STXBP6: variants seen among roughly 807,000 people sequenced by gnomAD.
STXBP6 encodes syntaxin-binding protein 6.
Under a neutral mutation model 26.9 loss-of-function variants are expected in STXBP6, and 21 were observed. The ratio of observed to expected loss-of-function variants is 0.78; its 90% CI spans 0.55 to 1.12. The LOEUF is 1.12. Among genes scored for constraint, STXBP6 ranks in the 50% most tolerant of loss-of-function variants. The pLI is 0.00. For synonymous variants in STXBP6, 97 were observed against 92.6 expected (o/e 1.05, Z -0.27); for missense variants, 232 against 257.9 (o/e 0.90, Z 0.69).
rs1389021112 is a variant in STXBP6 at position 24,811,045 on chromosome 14, T to C, written c.*1664A>G. 6.6e-6 allele frequency: 1 copy of C among 152,132 alleles called. No individual in the cohort carries two copies. The highest frequency in any genetic ancestry group is 1.5e-5 in the Non-Finnish European group (1 of 68,018). The allele number at this position is 152,132 out of a possible 1,614,324, so 9.4% of individuals were successfully genotyped here. ...TTTTTAAGACACCAAAAAGAAAGTATAAAATATTATAGTTAACTTATACAG... is the reference window on the plus strand; with the variant it reads ...TTTTTAAGACACCAAAAAGAAAGTACAAAATATTATAGTTAACTTATACAG... On this transcript the variant is annotated 3_prime_UTR_variant, in exon 6 of 6. Transcript: ENST00000323944.
At chr14:24,888,305 C>A (rs932245094) in intron 2 of STXBP6, among the ~76,000 whole-genome samples, 1 of 152,176 alleles carries the variant, frequency 6.6e-6, no homozygotes, top group Non-Finnish European at 1.5e-5. Flanking sequence ...AAAGCTAAAA[C>A]CTAAGCTGGC....
intron 2 of STXBP6, among the ~76,000 whole-genome samples, chr14:24,898,341 A>G (rs1202193719): frequency 1.3e-5 from 2 of 152,220 alleles, no homozygotes; most frequent in Non-Finnish European, 2.9e-5. Context: ...ACTGAACCTT[A>G]CTGAACCTCA....
At chr14:24,841,334 T>C (rs951066720) in intron 4 of STXBP6, among the ~76,000 whole-genome samples, 2 of 152,228 alleles carry the variant, frequency 1.3e-5, no homozygotes, top group African/African-American at 2.4e-5. Flanking sequence ...CCTTCCACAG[T>C]AGGAAAACTG....
At chr14:24,902,345 G>C (rs547471371) in intron 2 of STXBP6, among the ~76,000 whole-genome samples, 1 of 152,266 alleles carries the variant, frequency 6.6e-6, no homozygotes, top group African/African-American at 2.4e-5. Context: ...GGAATGATAA[G>C]ATACAGCAAA....
intron 2 of STXBP6, among the ~76,000 whole-genome samples, chr14:24,924,648 A>G (rs1190680822): frequency 6.6e-6 from 1 of 152,114 alleles, no homozygotes; most frequent in Non-Finnish European, 1.5e-5. Context: ...CCTGTCTAAG[A>G]ATTCAATAAG....
chr14:24,822,530 C>T (rs1337776678), intron 4 of STXBP6, among the ~76,000 whole-genome samples: 1 of 152,160 alleles, frequency 6.6e-6, no homozygotes, highest in African/African-American at 2.4e-5. Context: ...ATTATGTTGA[C>T]ACAACTGGCA....
At chr14:24,897,121 T>C (rs1266569050) in intron 2 of STXBP6, among the ~76,000 whole-genome samples, 1 of 152,096 alleles carries the variant, frequency 6.6e-6, no homozygotes, top group Non-Finnish European at 1.5e-5. Context: ...AACCAAAAGA[T>C]TTTTTTAGGC....
chr14:24,875,890 G>A lies in STXBP6; in HGVS notation c.155-18733C>T, dbSNP rs74903997. ...TTGAAGTGCAGTCATATTCATCAGG[G>A]GGTTCACATTTCAGAAGAGAAATGA... On this transcript the variant is annotated intron_variant, in intron 2 of 5. Transcript: ENST00000323944. 2.0e-4 allele frequency among the ~76,000 whole-genome samples: 30 copies of A among 152,246 alleles called. No individual in the cohort carries two copies. In the East Asian group the frequency reaches 5.8e-3, roughly 29 times the overall value.
chr14:24,852,922 A>G (rs1465879028), intron 4 of STXBP6, among the ~76,000 whole-genome samples: 4 of 152,138 alleles, frequency 2.6e-5, no homozygotes, highest in Non-Finnish European at 4.4e-5. Flanking sequence ...ACGACTTACT[A>G]GTTATATGAC....
At chr14:25,043,665 A>G (rs2075677562) in intron 1 of STXBP6, among the ~76,000 whole-genome samples, 1 of 152,132 alleles carries the variant, frequency 6.6e-6, no homozygotes, top group Non-Finnish European at 1.5e-5. Context: ...GGATTTTCCT[A>G]TTGCGTACAC....
intron 2 of STXBP6, among the ~76,000 whole-genome samples, chr14:24,961,613 G>C (rs2073543581): frequency 6.6e-6 from 1 of 152,034 alleles, no homozygotes; most frequent in Non-Finnish European, 1.5e-5. Context: ...TGGACATAGA[G>C]ATGGAAATGA....
intron 2 of STXBP6, among the ~76,000 whole-genome samples, chr14:24,935,476 G>A (rs1190974451): frequency 6.6e-6 from 1 of 152,096 alleles, no homozygotes; most frequent in Non-Finnish European, 1.5e-5. Context: ...AAGTAAGAAA[G>A]AGCCAAACTA....
intron 2 of STXBP6, among the ~76,000 whole-genome samples, chr14:24,881,799 G>A (rs184700030): frequency 4.1e-4 from 63 of 152,282 alleles, no homozygotes; most frequent in African/African-American, 1.4e-3. Flanking sequence ...CTGCCAAAAG[G>A]GTGGGGAATA....
intron 2 of STXBP6, among the ~76,000 whole-genome samples, chr14:24,951,705 G>A (rs1476275289): frequency 3.9e-5 from 6 of 151,926 alleles, no homozygotes; most frequent in East Asian, 1.9e-4. Context: ...AATTTCTTAT[G>A]TGATGGAAAA....
intron 4 of STXBP6, among the ~76,000 whole-genome samples, chr14:24,854,388 G>A (rs1384417591): frequency 6.6e-6 from 1 of 152,068 alleles, no homozygotes; most frequent in African/African-American, 2.4e-5. Flanking sequence ...TGCAATGCTT[G>A]AGGGGAGTCT....
chr14:24,954,788 A>C (rs1254681437), intron 2 of STXBP6, among the ~76,000 whole-genome samples: 1 of 152,192 alleles, frequency 6.6e-6, no homozygotes, highest in African/African-American at 2.4e-5. Flanking sequence ...CTGACAGAAA[A>C]ATTCTGAGGG....
chr14:24,831,583 G>A lies in STXBP6; in HGVS notation c.452-12389C>T, dbSNP rs1023855823. Among the ~76,000 whole-genome samples, 5 of 152,114 alleles carry A rather than the reference G, an allele frequency of 3.3e-5. No homozygotes were observed. The East Asian group carries it at 7.7e-4, about 23-fold the overall frequency. ...TTGTACTAAGACAATAATATGTTAA[G>A]TTGTTTGAACCTCTAGGAGTAAGGA... On this transcript the variant is annotated intron_variant, in intron 4 of 5. Coordinates refer to ENST00000323944, the MANE Select transcript of STXBP6 (RefSeq NM_001394410.1).
At chr14:24,836,336 A>C (rs10133289) in intron 4 of STXBP6, among the ~76,000 whole-genome samples, 83,873 of 151,986 alleles carry the variant, frequency 0.55, 24,920 homozygotes, top group African/African-American at 0.74. Flanking sequence ...ATGGCTCACA[A>C]CTGTAATCCC....
chr14:24,853,803 C>G (rs1159307475), intron 4 of STXBP6, among the ~76,000 whole-genome samples: 1 of 152,052 alleles, frequency 6.6e-6, no homozygotes, highest in Non-Finnish European at 1.5e-5. Flanking sequence ...GTGTTCCCAT[C>G]TCAACTCTGC....
Sources: gnomAD v4.1 joint callset for allele counts (sites outside exome capture counted in the v4.1 genomes callset) on GRCh38, gnomAD v4.1.1 for gene constraint, MANE v1.5 for transcripts, NCBI Gene and HGNC (gene_info 2026-07-23, HGNC 2026-07-21) for gene names.